F11R: variants seen among roughly 807,000 people sequenced by gnomAD.
The protein encoded by F11R is F11 receptor.
A neutral mutation model predicts 39.3 loss-of-function variants in F11R; 27 were observed. The ratio of observed to expected loss-of-function variants is 0.69; its 90% confidence interval spans 0.51 to 0.95. The LOEUF is 0.95. Ranked by LOEUF, F11R falls within the 40% of genes least tolerant of loss-of-function variation. F11R has a pLI of 0.00. For missense variants in F11R, 335 were observed against 372.7 expected (o/e 0.90, Z 0.83); for synonymous variants, 131 against 144.9 (o/e 0.90, Z 0.69).
At position 161,000,236 on chromosome 1, in the gene F11R, G is replaced by C; in HGVS notation, c.501C>G (p.Phe167Leu). ...DGSPPSEYTWFKDGIVMPTNP... is the reference protein window; with the variant it reads ...DGSPPSEYTWLKDGIVMPTNP... ...TCGTAGGCATCACTATCCCATCTTT[G>C]AACCAGGTGTATTCAGAAGGTGGGG... Residue 167 changes from phenylalanine to leucine, a missense_variant, in exon 5 of 10, where the codon TTC becomes TTG. Coordinates refer to ENST00000368026, the MANE Select transcript of F11R (RefSeq NM_016946.6). 1 of 1,614,152 alleles carries C rather than the reference G, an allele frequency of 6.2e-7. No individual in the cohort carries two copies. The highest frequency in any genetic ancestry group is 8.5e-7 in the Non-Finnish European group (1 of 1,180,038).
intron 1 of F11R, among the ~76,000 whole-genome samples, chr1:161,005,111 G>C (rs1278387995): frequency 1.3e-5 from 2 of 150,360 alleles, no homozygotes; most frequent in Non-Finnish European, 3.0e-5. Flanking sequence ...AGTGAGCCTA[G>C]ATAGTGCCAC....
intron 4 of F11R, 138 bp downstream of exon 4, chr1:161,000,493 T>C: frequency 7.0e-7 from 1 of 1,424,984 alleles, no homozygotes; most frequent in Non-Finnish European, 9.7e-7. Context: ...CAGGGGCTCA[T>C]CTCCCTCTCT....
chr1:160,999,973 A>C lies in F11R; in HGVS notation c.597T>G (p.Phe199Leu). 1.2e-6 allele frequency: 2 copies of C among 1,614,130 alleles called. No individual in the cohort carries two copies. The highest frequency in any genetic ancestry group is 1.7e-6 in the Non-Finnish European group (2 of 1,179,982). ...VLNPTTGELV[F>L]DPLSASDTGE... ...CAGTATCAGAGGCTGACAGGGGATC[A>C]AAGACCTGAGGAAGGAAAACAAATT... Residue 199 changes from phenylalanine to leucine, a missense_variant, in exon 6 of 10, where the codon TTT (phenylalanine) becomes TTG (leucine). Physicochemically the swap from Phe to Leu is conservative, Grantham distance 22. Transcript: ENST00000368026.
intron 5 of F11R, 42 bp from the exon 6 acceptor site, chr1:161,000,020 A>G: frequency 6.2e-7 from 1 of 1,606,334 alleles, no homozygotes; most frequent in Non-Finnish European, 8.5e-7. Context: ...GAAGAAGCAA[A>G]ATAGACATTT....
chr1:161,000,872 C>G (rs1648439224), intron 3 of F11R, 95 bp from the exon 4 acceptor site: 1 of 1,534,062 alleles, frequency 6.5e-7, no homozygotes, highest in Non-Finnish European at 9.0e-7. Flanking sequence ...GTGCTCTCCT[C>G]TTCCCCCAGA....
chr1:161,016,335 G>A (rs1027126442), intron 1 of F11R, among the ~76,000 whole-genome samples: 3 of 152,142 alleles, frequency 2.0e-5, no homozygotes, highest in African/African-American at 4.8e-5. Context: ...AATTAGCCAG[G>A]CATGGTGGCG....
At chr1:160,999,802 A>G (rs1486773510) in intron 6 of F11R, 55 bp from the exon 7 acceptor site, 1 of 1,605,348 alleles carries the variant, frequency 6.2e-7, no homozygotes, top group Non-Finnish European at 8.5e-7. Context: ...CGGCACCTAC[A>G]GTATCACCAA....
intron 1 of F11R, among the ~76,000 whole-genome samples, chr1:161,014,274 A>G (rs942788476): frequency 1.3e-5 from 2 of 152,202 alleles, no homozygotes; most frequent in African/African-American, 4.8e-5. Context: ...TAAAATGTGC[A>G]TGGCATTTAA....
At position 161,000,742 on chromosome 1, in the gene F11R, C is replaced by T; in HGVS notation, c.277G>A (p.Gly93Ser). The T allele has an allele frequency of 6.2e-7, 1 of 1,614,122 alleles. No individual in the cohort carries two copies. Among genetic ancestry groups the T allele is most frequent in the Non-Finnish European group, 8.5e-7 (1 of 1,180,034 alleles). ...CGTGTCACGGACTTGAAGGTGATACCAGTTGGCAAGAAGGTCACCCGGTCC... is the reference window on the plus strand; with the variant it reads ...CGTGTCACGGACTTGAAGGTGATACTAGTTGGCAAGAAGGTCACCCGGTCC... ...YEDRVTFLPT[G>S]ITFKSVTRED... Residue 93 changes from glycine to serine, a missense_variant, in exon 4 of 10, where the codon GGT becomes AGT. Coordinates refer to ENST00000368026, the MANE Select transcript of F11R (RefSeq NM_016946.6).
intron 1 of F11R, among the ~76,000 whole-genome samples, chr1:161,014,146 G>A (rs1649322284): frequency 1.3e-5 from 2 of 152,192 alleles, no homozygotes; most frequent in African/African-American, 2.4e-5. Context: ...TATGTTGGAC[G>A]CAAGGTCATC....
intron 1 of F11R, among the ~76,000 whole-genome samples, chr1:161,015,988 G>C (rs1000585398): frequency 1.3e-5 from 2 of 152,018 alleles, no homozygotes; most frequent in African/African-American, 4.8e-5. Context: ...AACTGGGCTG[G>C]AGACTCCACA....
intron 5 of F11R, 73 bp downstream of exon 5, chr1:161,000,073 T>C (rs1648379415): frequency 1.3e-5 from 21 of 1,600,302 alleles, no homozygotes; most frequent in Non-Finnish European, 1.5e-5. Flanking sequence ...CCCTGTTGCC[T>C]GTTCTTCCTC....
At chr1:161,018,617 A>G (rs1649586977) in intron 1 of F11R, among the ~76,000 whole-genome samples, 1 of 152,172 alleles carries the variant, frequency 6.6e-6, no homozygotes, top group Non-Finnish European at 1.5e-5. Flanking sequence ...CTGCTATTTT[A>G]CAGATGAAAA....
chr1:161,011,390 G>T (rs1414670304), intron 1 of F11R, among the ~76,000 whole-genome samples: 2 of 152,080 alleles, frequency 1.3e-5, no homozygotes, highest in South Asian at 2.1e-4. Flanking sequence ...CCCAACAAAA[G>T]GTGAATAAGT....
chr1:161,006,930 G>A (rs999757065), intron 1 of F11R, among the ~76,000 whole-genome samples: 3 of 151,184 alleles, frequency 2.0e-5, no homozygotes, highest in Admixed American at 6.6e-5. Context: ...TTTAGGAGGC[G>A]AAGCAGGTGG....
At chr1:161,008,844 T>C (rs555930508) in intron 1 of F11R, among the ~76,000 whole-genome samples, 1 of 152,338 alleles carries the variant, frequency 6.6e-6, no homozygotes, top group African/African-American at 2.4e-5. Flanking sequence ...CTTTTGATGA[T>C]TCTACATTGC....
intron 1 of F11R, among the ~76,000 whole-genome samples, chr1:161,020,728 G>A (rs947747564): frequency 6.6e-6 from 1 of 152,190 alleles, no homozygotes; most frequent in African/African-American, 2.4e-5. Context: ...TCTCCAGTGA[G>A]GACGAGGAGT....
chr1:161,000,553 A>G, intron 4 of F11R, 78 bp downstream of exon 4: 1 of 1,587,274 alleles, frequency 6.3e-7, no homozygotes. Context: ...CTCACCATCA[A>G]AGAGCTCCAA....
chr1:161,012,193 C>A (rs1488604063), intron 1 of F11R, among the ~76,000 whole-genome samples: 1 of 152,174 alleles, frequency 6.6e-6, no homozygotes, highest in Non-Finnish European at 1.5e-5. Flanking sequence ...ACAGAACCCA[C>A]CAACAACCAT....
Sources: gnomAD v4.1 joint callset for allele counts (sites outside exome capture counted in the v4.1 genomes callset) on GRCh38, gnomAD v4.1.1 for gene constraint, MANE v1.5 for transcripts, NCBI Gene and HGNC (gene_info 2026-07-23, HGNC 2026-07-21) for gene names.